Variants in HECW1 observed in about 807,000 individuals in gnomAD.
HECW1 encodes the protein E3 ubiquitin-protein ligase HECW1.
HECW1 carries 61 observed loss-of-function variants against 182.3 expected under a neutral mutation model. That is an observed-to-expected ratio of 0.33 (90% CI 0.27 to 0.41). HECW1 has a LOEUF of 0.41. Ranked by LOEUF, HECW1 falls within the 10% of genes least tolerant of loss-of-function variation. The probability of loss-of-function intolerance (pLI) is 1.00; values close to 1 mark genes in which losing one functional copy is unlikely to be tolerated. For missense variants in HECW1, 1,739 were observed against 2,108.9 expected (o/e 0.82, Z 3.44); for synonymous variants, 859 against 832.6 (o/e 1.03, Z -0.55).
At chr7:43,299,122 G>A (rs1806408880) in intron 3 of HECW1, among the ~76,000 whole-genome samples, 2 of 152,220 alleles carry the variant, frequency 1.3e-5, no homozygotes, top group Non-Finnish European at 2.9e-5. Flanking sequence ...CTAAGCATCA[G>A]CTTACAAGTG....
chr7:43,484,314 TG>T (rs1424945676), intron 17 of HECW1: 1 of 152,308 alleles, frequency 6.6e-6, no homozygotes, highest in African/African-American at 2.4e-5. Context: ...ATGGCAGGTT[TG>T]TCTTTAGGCA....
chr7:43,274,050 C>G, intron 3 of HECW1: 1 of 301,070 alleles, frequency 3.3e-6, no homozygotes. Flanking sequence ...GGGGTTTTGC[C>G]ATGTTGACCA....
intron 26 of HECW1, among the ~76,000 whole-genome samples, chr7:43,548,378 C>A (rs4724218): frequency 0.31 from 46,870 of 151,856 alleles, 7,352 homozygotes; most frequent in Middle Eastern, 0.41. Context: ...TACGAGTGGA[C>A]CCATGCAGTC....
chr7:43,385,965 G>T (rs2074777966), intron 6 of HECW1, among the ~76,000 whole-genome samples: 1 of 152,200 alleles, frequency 6.6e-6, no homozygotes, highest in South Asian at 2.1e-4. Context: ...CTGTGGAAAA[G>T]CCTACTTTCA....
At chr7:43,375,640 C>T (rs2074291401) in intron 6 of HECW1, among the ~76,000 whole-genome samples, 1 of 152,000 alleles carries the variant, frequency 6.6e-6, no homozygotes, top group South Asian at 2.1e-4. Flanking sequence ...CACCAATAAT[C>T]CCAGCAGTTT....
At chr7:43,173,704 C>A (rs564769242) in intron 2 of HECW1, among the ~76,000 whole-genome samples, 5 of 152,342 alleles carry the variant, frequency 3.3e-5, no homozygotes, top group Admixed American at 2.0e-4. Flanking sequence ...TCACCTGCAG[C>A]TCACCTCCCG....
chr7:43,322,560 C>T (rs1810263833), intron 5 of HECW1, among the ~76,000 whole-genome samples: 1 of 152,184 alleles, frequency 6.6e-6, no homozygotes, highest in Non-Finnish European at 1.5e-5. Context: ...AGCCCTACTT[C>T]TCCATCCTCC....
chr7:43,200,271 G>A (rs1228681768), intron 2 of HECW1, among the ~76,000 whole-genome samples: 3 of 152,132 alleles, frequency 2.0e-5, no homozygotes, highest in African/African-American at 7.2e-5. Context: ...GATTAATACT[G>A]TTAGAAAAAG....
At chr7:43,340,885 A>G (rs989838244) in intron 5 of HECW1, among the ~76,000 whole-genome samples, 2 of 151,832 alleles carry the variant, frequency 1.3e-5, no homozygotes, top group Non-Finnish European at 2.9e-5. Context: ...CAATACTCAC[A>G]ATAGCAAAGA....
chr7:43,456,192 A>G, intron 12 of HECW1, 105 bp from the exon 13 acceptor site: 1 of 1,187,224 alleles, frequency 8.4e-7, no homozygotes, highest in Non-Finnish European at 1.2e-6. Context: ...GCAGCCATGA[A>G]CCAATGGTGA....
In HECW1 at chr7:43,444,560, A is replaced by T; in HGVS notation, c.1388A>T (p.Asp463Val). 1 of 1,611,158 alleles carries T rather than the reference A, an allele frequency of 6.2e-7. No individual in the cohort carries two copies. Among genetic ancestry groups the T allele is most frequent in the Non-Finnish European group, 8.5e-7 (1 of 1,178,892 alleles). ...PSAEELAEQL[D>V]LGEEASALLL... ...GCAGAAGAGCTGGCCGAGCAGCTGG[A>T]CCTGGGTGAGGAGGCATCAGCACTG... Residue 463 changes from aspartate (D) to valine (V), a missense_variant, in exon 11 of 30, where the codon GAC becomes GTC. By Grantham distance (152) the Asp-to-Val change is radical. Coordinates refer to ENST00000395891, the MANE Select transcript of HECW1 (RefSeq NM_015052.5). This position sits in a 1 kb window ranked among gnomAD's most constrained non-coding sequence, Gnocchi z 4.3.
Position 43,445,383 on chromosome 7 carries a change from C to T in HECW1, c.2211C>T (p.Asp737=). 1 of 1,613,704 alleles carries T rather than the reference C, an allele frequency of 6.2e-7. No individual in the cohort carries two copies. The highest frequency in any genetic ancestry group is 8.5e-7 in the Non-Finnish European group (1 of 1,180,002). Residue 737 remains aspartate (D), a synonymous_variant, in exon 11 of 30, where the codon GAC becomes GAT. Transcript: ENST00000395891. ...ISESTVFSSQ[D]DEEEENSAFE... ...AGAGCACGGTCTTCTCCTCGCAAGA[C>T]GACGAGGAGGAGGAGAACAGCGCGT...
At chr7:43,349,689 T>G (rs1348403835) in intron 5 of HECW1, among the ~76,000 whole-genome samples, 1 of 152,222 alleles carries the variant, frequency 6.6e-6, no homozygotes, top group African/African-American at 2.4e-5. Flanking sequence ...TGCTCACTTT[T>G]GGTGTCCATT....
At chr7:43,154,098 G>T (rs942556471) in intron 2 of HECW1, among the ~76,000 whole-genome samples, 29 of 151,962 alleles carry the variant, frequency 1.9e-4, no homozygotes, top group African/African-American at 6.8e-4. Context: ...TTTTCTTAAG[G>T]TTCTATAAAT....
intron 19 of HECW1, among the ~76,000 whole-genome samples, chr7:43,499,095 A>G (rs2079230874): frequency 6.6e-6 from 1 of 151,968 alleles, no homozygotes; most frequent in Admixed American, 6.6e-5. Flanking sequence ...AGCCTGCGCA[A>G]CATGGTGAAA....
chr7:43,337,832 A>C (rs910405069), intron 5 of HECW1, among the ~76,000 whole-genome samples: 1 of 152,128 alleles, frequency 6.6e-6, no homozygotes, highest in African/African-American at 2.4e-5. Flanking sequence ...TATAGAAGAC[A>C]CTCACTTGCT....
chr7:43,348,144 G>A (rs963799928), intron 5 of HECW1, among the ~76,000 whole-genome samples: 8 of 151,976 alleles, frequency 5.3e-5, no homozygotes, highest in African/African-American at 1.9e-4. Flanking sequence ...GTCTGGTCCT[G>A]GACTTTTTTT....
At chr7:43,355,253 G>A (rs768602675) in intron 5 of HECW1, among the ~76,000 whole-genome samples, 10 of 152,166 alleles carry the variant, frequency 6.6e-5, no homozygotes, top group Non-Finnish European at 1.3e-4. Flanking sequence ...AAATCCACTA[G>A]TAAAATTAAG....
At chr7:43,385,469 G>A (rs1229263755) in intron 6 of HECW1, among the ~76,000 whole-genome samples, 1 of 151,226 alleles carries the variant, frequency 6.6e-6, no homozygotes, top group Non-Finnish European at 1.5e-5. Flanking sequence ...GAGGACAGAT[G>A]CCCAAGTCCC....
Sources: gnomAD v4.1 joint callset for allele counts (sites outside exome capture counted in the v4.1 genomes callset) on GRCh38, gnomAD v4.1.1 for gene constraint, Gnocchi (gnomAD v3.1) non-coding constraint, MANE v1.5 for transcripts, NCBI Gene and HGNC (gene_info 2026-07-23, HGNC 2026-07-21) for gene names.